DLC1: variants seen among roughly 807,000 people sequenced by gnomAD.
The protein encoded by DLC1 is DLC1 Rho GTPase activating protein.
A neutral mutation model predicts 140.3 loss-of-function variants in DLC1; 54 were observed. The observed-to-expected ratio is 0.38, with a 90% CI of 0.31 to 0.48. DLC1 has a LOEUF of 0.48. Among genes scored for constraint, DLC1 ranks in the 20% least tolerant of loss-of-function variants. The pLI is 0.96. For missense variants in DLC1, 2,536 were observed against 1,907.0 expected, an observed-to-expected ratio of 1.33 and a Z score of -6.14; for synonymous variants, 986 against 728.1, an observed-to-expected ratio of 1.35 and a Z score of -5.70.
At chr8:13,424,908 T>C (rs1263346803) in intron 2 of DLC1, among the ~76,000 whole-genome samples, 1 of 152,184 alleles carries the variant, frequency 6.6e-6, no homozygotes, top group East Asian at 1.9e-4. Context: ...TATCGCAATC[T>C]CTGTGCTTAG....
chr8:13,576,010 G>C, intron 1 of DLC1, among the ~76,000 whole-genome samples: 1 of 152,302 alleles, frequency 6.6e-6, no homozygotes, highest in East Asian at 1.9e-4. Context: ...TAGAGGGCTA[G>C]ACCACTGGCA....
At chr8:13,528,241 C>G (rs567185670) in intron 1 of DLC1, among the ~76,000 whole-genome samples, 1 of 151,968 alleles carries the variant, frequency 6.6e-6, no homozygotes, top group Non-Finnish European at 1.5e-5. Flanking sequence ...ACTTCTACAC[C>G]CTGGTCTTAA....
chr8:13,513,848 T>A (rs1288845384), intron 1 of DLC1, among the ~76,000 whole-genome samples: 1 of 152,124 alleles, frequency 6.6e-6, no homozygotes, highest in African/African-American at 2.4e-5. Context: ...CTTAAAAGAG[T>A]TATAATGAGT....
intron 2 of DLC1, among the ~76,000 whole-genome samples, chr8:13,469,996 C>G (rs1800134151): frequency 6.6e-6 from 1 of 152,130 alleles, no homozygotes; most frequent in Non-Finnish European, 1.5e-5. Flanking sequence ...TTGGATTTCC[C>G]TCAATTTTTA....
Position 13,120,356 on chromosome 8 carries a change from A to AAAAAAAATATATATATATATATAT in DLC1, c.1349-4700_1349-4699insATATATATATATATATATTTTTTT. Among the ~76,000 whole-genome samples the AAAAAAAATATATATATATATATAT allele has an allele frequency of 3.6e-4, 22 of 61,122 alleles. No individual in the cohort carries two copies. The East Asian group carries it at 9.4e-3, about 26-fold the overall frequency. The allele number at this position is 61,122 out of a possible 152,430, so 40.1% of individuals were successfully genotyped here. A position where few individuals can be genotyped will look rare whatever the true frequency, so the allele number is the denominator to read the frequency against. On this transcript the variant is annotated intron_variant, in intron 5 of 17. Transcript: ENST00000276297. ...AGACTCCGTCGCAAAAAAAAAAAAA[A>AAAAAAAATATATATATATATATAT]ATATATATATATATAAAATGTATAT...
At chr8:13,427,327 C>A (rs1838638114) in intron 2 of DLC1, among the ~76,000 whole-genome samples, 2 of 152,188 alleles carry the variant, frequency 1.3e-5, no homozygotes, top group African/African-American at 4.8e-5. Flanking sequence ...TCTGTTCTGT[C>A]CTCCTGGATG....
chr8:13,224,182 G>A (rs1250372451), intron 5 of DLC1, among the ~76,000 whole-genome samples: 1 of 152,178 alleles, frequency 6.6e-6, no homozygotes, highest in Non-Finnish European at 1.5e-5. Flanking sequence ...TTACCCACAT[G>A]AGGCTACTGA....
At chr8:13,340,331 G>A (rs1459493125) in intron 4 of DLC1, 1 of 152,254 alleles carries the variant, frequency 6.6e-6, no homozygotes, top group Admixed American at 6.6e-5. Flanking sequence ...CTCCTGAGTT[G>A]CTGGGATTAC....
chr8:13,579,329 AT>A lies in DLC1; in HGVS notation c.-126+25207del, dbSNP rs1804966324. On this transcript the variant is annotated intron_variant, in intron 1 of 1. Coordinates refer to the DLC1 transcript ENST00000631382. Reference sequence around the variant, plus strand: ...CAGGTCTGACTTTATATATATATATATATATATATATATATATATATATATA... The same window carrying A: ...CAGGTCTGACTTTATATATATATATAATATATATATATATATATATATATA... 2.2e-4 allele frequency among the ~76,000 whole-genome samples: 3 copies of A among 13,572 alleles called. 1 individual carries two copies. Among genetic ancestry groups the A allele is most frequent in the East Asian group, 4.9e-3 (1 of 204 alleles). 8.9% of individuals were successfully genotyped at this position (13,572 alleles called of 152,430 possible).
intron 1 of DLC1, among the ~76,000 whole-genome samples, chr8:13,535,877 A>T (rs1803261777): frequency 6.6e-6 from 1 of 152,040 alleles, no homozygotes; most frequent in Non-Finnish European, 1.5e-5. Flanking sequence ...TTTCAGTCTG[A>T]TGGAACCAGC....
chr8:13,153,780 G>A (rs1037237343), intron 5 of DLC1, among the ~76,000 whole-genome samples: 3 of 151,800 alleles, frequency 2.0e-5, no homozygotes, highest in African/African-American at 4.8e-5. Context: ...ACAGAATGCC[G>A]ATCGGTGCGT....
At chr8:13,462,594 G>T (rs1290904285) in intron 2 of DLC1, among the ~76,000 whole-genome samples, 5 of 151,902 alleles carry the variant, frequency 3.3e-5, no homozygotes, top group Admixed American at 6.6e-5. Flanking sequence ...TTTCAGTAGA[G>T]ACAGGGTTTC....
At position 13,579,183 on chromosome 8, in the gene DLC1, A is replaced by C. The variant is rs565843158; in HGVS notation, c.-126+25354T>G. Among the ~76,000 whole-genome samples the C allele has an allele frequency of 7.4e-4, 104 of 140,150 alleles. 1 individual carries two copies. In the South Asian group the frequency reaches 0.012, roughly 16 times the overall value. The allele number at this position is 140,150 out of a possible 152,430, so 91.9% of individuals were successfully genotyped here. A position where few individuals can be genotyped will look rare whatever the true frequency, so the allele number is the denominator to read the frequency against. On this transcript the variant is annotated intron_variant, in intron 1 of 1. Transcript: ENST00000631382. ...GGGGTCAAAGAACAAATATTAGAAC[A>C]AAAGAGTCTCCTAGCACCGCCGCAT...
intron 2 of DLC1, among the ~76,000 whole-genome samples, chr8:13,464,867 T>C (rs1201629940): frequency 6.7e-6 from 1 of 150,004 alleles, no homozygotes; most frequent in Non-Finnish European, 1.5e-5. Context: ...CTCACCCCAT[T>C]ACTGCCAGCA....
At chr8:13,196,848 A>T (rs1585889989) in intron 5 of DLC1, among the ~76,000 whole-genome samples, 2 of 152,184 alleles carry the variant, frequency 1.3e-5, no homozygotes, top group Non-Finnish European at 2.9e-5. Flanking sequence ...AGTGGTAGGG[A>T]TGTTTGAAAT....
At chr8:13,182,539 G>A (rs1826103380) in intron 5 of DLC1, among the ~76,000 whole-genome samples, 1 of 152,102 alleles carries the variant, frequency 6.6e-6, no homozygotes, top group African/African-American at 2.4e-5. Context: ...TTCTACATAT[G>A]GCTAGCCAGT....
At chr8:13,108,913 T>C (rs1227211331) in intron 7 of DLC1, among the ~76,000 whole-genome samples, 3 of 152,226 alleles carry the variant, frequency 2.0e-5, no homozygotes, top group Admixed American at 2.0e-4. Context: ...GATATAGTAA[T>C]GATATTACAC....
intron 5 of DLC1, among the ~76,000 whole-genome samples, chr8:13,226,912 G>A (rs923111433): frequency 6.6e-6 from 1 of 152,098 alleles, no homozygotes; most frequent in African/African-American, 2.4e-5. Context: ...TCTAAACATG[G>A]TTTTGGGTAT....
chr8:13,114,670 A>T (rs891843068), intron 6 of DLC1, among the ~76,000 whole-genome samples: 1 of 152,224 alleles, frequency 6.6e-6, no homozygotes, highest in Admixed American at 6.5e-5. Context: ...ATGAAAGATT[A>T]GTATTTAGAA....
Sources: allele counts gnomAD v4.1 joint callset (sites outside exome capture counted in the v4.1 genomes callset), GRCh38; gene constraint gnomAD v4.1.1; transcripts MANE v1.5; gene names NCBI Gene and HGNC (gene_info 2026-07-23, HGNC 2026-07-21).